The following RASAL2 variants were observed in gnomAD, a reference collection of about 807,000 sequenced individuals.
The protein encoded by RASAL2 is RAS protein activator like 2.
In RASAL2, 58 loss-of-function variants were observed where a neutral mutation model predicts 128.9. The observed-to-expected ratio is 0.45, with a 90% CI of 0.36 to 0.56. The LOEUF is 0.56. Ranked by LOEUF, RASAL2 falls within the 20% of genes least tolerant of loss-of-function variation. The pLI is 0.00. For missense variants in RASAL2, 1,360 were observed against 1,601.6 expected, an observed-to-expected ratio of 0.85 and a Z score of 2.57; for synonymous variants, 561 against 580.8, an observed-to-expected ratio of 0.97 and a Z score of 0.49.
chr1:178,404,902 A>G (rs1488411257), intron 4 of RASAL2, among the ~76,000 whole-genome samples: 1 of 151,850 alleles, frequency 6.6e-6, no homozygotes, highest in Non-Finnish European at 1.5e-5. Flanking sequence ...GGCTGGTTTC[A>G]TACTCCTAGG....
intron 1 of RASAL2, among the ~76,000 whole-genome samples, chr1:178,098,104 A>G (rs1658756854): frequency 6.6e-6 from 1 of 152,208 alleles, no homozygotes; most frequent in African/African-American, 2.4e-5. Flanking sequence ...AGTTGTGCCC[A>G]TGCCTTGTCA....
chr1:178,112,905 A>G (rs898984771), intron 1 of RASAL2, among the ~76,000 whole-genome samples: 3 of 152,142 alleles, frequency 2.0e-5, no homozygotes, highest in Non-Finnish European at 4.4e-5. Context: ...AACTTAAAGT[A>G]TAATAGTAAA....
chr1:178,280,946 C>T (rs1666750790), intron 1 of RASAL2, among the ~76,000 whole-genome samples: 1 of 151,988 alleles, frequency 6.6e-6, no homozygotes, highest in African/African-American at 2.4e-5. Context: ...TCTCAGTATA[C>T]AGGCCTTGCT....
At chr1:178,155,586 C>G (rs537244760) in intron 1 of RASAL2, among the ~76,000 whole-genome samples, 1 of 151,960 alleles carries the variant, frequency 6.6e-6, no homozygotes, top group Admixed American at 6.6e-5. Flanking sequence ...GAAGCAGCCT[C>G]CTACATCTTT....
In RASAL2 at chr1:178,338,953, A is replaced by C. The variant is rs79386588; in HGVS notation, c.457+38835A>C. Among the ~76,000 whole-genome samples the C allele has an allele frequency of 6.8e-4, 104 of 152,322 alleles. 1 individual carries two copies. The East Asian group carries it at 0.02, about 29-fold the overall frequency. On this transcript the variant is annotated intron_variant, in intron 3 of 17. Transcript: ENST00000367649. The stretch of plus-strand genomic sequence containing the variant: ...CAGCAGGGACTTTGTCTTATTTCCC[A>C]CTTATCCCAGAGTTCAGGAAAATGC...
intron 3 of RASAL2, among the ~76,000 whole-genome samples, chr1:178,313,038 A>G (rs1350798127): frequency 6.6e-6 from 1 of 152,220 alleles, no homozygotes; most frequent in Non-Finnish European, 1.5e-5. Context: ...TTAAGTGGCA[A>G]AGATAGGCTT....
intron 3 of RASAL2, among the ~76,000 whole-genome samples, chr1:178,336,933 C>T (rs2102390244): frequency 6.6e-6 from 1 of 152,028 alleles, no homozygotes; most frequent in African/African-American, 2.4e-5. Flanking sequence ...CTTGTATTTT[C>T]CCATTTAGAT....
In RASAL2 at chr1:178,457,576, C is replaced by G. The variant is rs900252733; in HGVS notation, c.2391-107C>G. On this transcript the variant is annotated intron_variant, in intron 13 of 17. Transcript: ENST00000367649. Reference sequence around the variant, plus strand: ...AAATCTGAGTTTCCAAAGAAATGTACGTATCCACATAAGAACCTTCGGAGG... The same window carrying G: ...AAATCTGAGTTTCCAAAGAAATGTAGGTATCCACATAAGAACCTTCGGAGG... 7 of 1,111,888 alleles carry G rather than the reference C, an allele frequency of 6.3e-6. No individual in the cohort carries two copies. In the South Asian group the frequency reaches 1.1e-4, roughly 18 times the overall value. 68.9% of individuals were successfully genotyped at this position (1,111,888 alleles called of 1,614,324 possible). A position where few individuals can be genotyped will look rare whatever the true frequency, so the allele number is the denominator to read the frequency against.
intron 3 of RASAL2, among the ~76,000 whole-genome samples, chr1:178,369,748 A>G (rs924132917): frequency 6.6e-6 from 1 of 152,210 alleles, no homozygotes; most frequent in African/African-American, 2.4e-5. Flanking sequence ...TGAAATTATA[A>G]TCTCACTTTC....
chr1:178,343,046 T>C (rs1269208954), intron 3 of RASAL2, among the ~76,000 whole-genome samples: 1 of 152,204 alleles, frequency 6.6e-6, no homozygotes, highest in African/African-American at 2.4e-5. Context: ...GTGAGCTAAA[T>C]AGTAAAGATA....
intron 4 of RASAL2, among the ~76,000 whole-genome samples, chr1:178,407,692 C>T (rs1278822413): frequency 6.6e-6 from 1 of 152,086 alleles, no homozygotes; most frequent in African/African-American, 2.4e-5. Context: ...GTGAAAAAGT[C>T]TCAAGCAGAA....
intron 1 of RASAL2, among the ~76,000 whole-genome samples, chr1:178,165,347 G>A (rs370636884): frequency 2.0e-5 from 3 of 152,094 alleles, no homozygotes; most frequent in Non-Finnish European, 2.9e-5. Flanking sequence ...TACTTATCAC[G>A]TATAGACTTT....
Position 178,456,736 on chromosome 1 carries a change from T to C in RASAL2, c.2227T>C (p.Leu743=), listed in dbSNP as rs569125545. The C allele has an allele frequency of 5.1e-5, 83 of 1,613,998 alleles. No individual in the cohort carries two copies. Among genetic ancestry groups the C allele is most frequent in the Middle Eastern group, 4.9e-4 (3 of 6,084 alleles). ...CTTCCTACAGGCGACCGTGGCAAAA[T>C]TGGGGCCTCTCCCTCGTGTTCTTGC... The part of the protein sequence containing the change: ...SQLDKATVAK[L]GPLPRVLADI... The change falls in exon 13 of 18, where the codon TTG becomes CTG. Residue 743 remains leucine, a synonymous_variant. Coordinates refer to ENST00000367649, the MANE Select transcript of RASAL2 (RefSeq NM_170692.4).
intron 1 of RASAL2, among the ~76,000 whole-genome samples, chr1:178,193,454 AAAATT>A (rs1399437705): frequency 6.6e-6 from 1 of 152,216 alleles, no homozygotes; most frequent in Non-Finnish European, 1.5e-5. Flanking sequence ...GAAAATAATA[AAAATT>A]AAATCAGCAC....
chr1:178,353,556 C>T (rs1670635895), intron 3 of RASAL2, among the ~76,000 whole-genome samples: 1 of 152,196 alleles, frequency 6.6e-6, no homozygotes, highest in Non-Finnish European at 1.5e-5. Flanking sequence ...AATTTTCCCT[C>T]ATCTTCCTGT....
At chr1:178,163,805 A>G (rs890891849) in intron 1 of RASAL2, among the ~76,000 whole-genome samples, 1 of 152,194 alleles carries the variant, frequency 6.6e-6, no homozygotes, top group East Asian at 1.9e-4. Flanking sequence ...TTTCTGCATA[A>G]TAAAACCATT....
In RASAL2 at chr1:178,379,126, T is replaced by C. The variant is rs138813393; in HGVS notation, c.458-10974T>C. 7.9e-5 allele frequency among the ~76,000 whole-genome samples: 12 copies of C among 152,238 alleles called. No homozygotes were observed. In the East Asian group the frequency reaches 2.3e-3, roughly 29 times the overall value. On this transcript the variant is annotated intron_variant, in intron 3 of 17. Coordinates refer to ENST00000367649, the MANE Select transcript of RASAL2 (RefSeq NM_170692.4). ...TAAAAAAGACCTTTTTGATAATATA[T>C]TTGGAAATTTAGACAAGTGGACATT...
intron 17 of RASAL2, among the ~76,000 whole-genome samples, chr1:178,470,244 C>T (rs1648129811): frequency 6.6e-6 from 1 of 152,198 alleles, no homozygotes; most frequent in South Asian, 2.1e-4. Flanking sequence ...TATGTCAACA[C>T]TTCCCAAAAC....
chr1:178,254,403 T>C (rs550749163), intron 1 of RASAL2, among the ~76,000 whole-genome samples: 1 of 152,374 alleles, frequency 6.6e-6, no homozygotes, highest in East Asian at 1.9e-4. Context: ...ATGTCAACTT[T>C]TGGCATTGCA....
Sources: gnomAD v4.1 joint callset for allele counts (sites outside exome capture counted in the v4.1 genomes callset) on GRCh38, gnomAD v4.1.1 for gene constraint, MANE v1.5 for transcripts, NCBI Gene and HGNC (gene_info 2026-07-23, HGNC 2026-07-21) for gene names.